ASB2: variants seen among roughly 807,000 people sequenced by gnomAD.
ASB2 encodes the protein ankyrin repeat and SOCS box protein 2.
A neutral mutation model predicts 62.4 loss-of-function variants in ASB2; 58 were observed. That is an observed-to-expected ratio of 0.93 (90% CI 0.75 to 1.16). The LOEUF is 1.16. Ranked by LOEUF, ASB2 falls within the 50% of genes most tolerant of loss-of-function variation. ASB2 has a pLI of 0.00. For missense variants in ASB2, 928 were observed against 887.9 expected (o/e 1.05, Z -0.57); for synonymous variants, 386 against 385.3 (o/e 1.00, Z -0.02).
intron 1 of ASB2, among the ~76,000 whole-genome samples, chr14:93,965,746 C>A (rs1451277944): frequency 6.6e-6 from 1 of 152,238 alleles, no homozygotes; most frequent in Non-Finnish European, 1.5e-5. Context: ...AGATCTTTCC[C>A]CACCCTTCCC....
At chr14:93,962,463 C>T (rs1889448684) in intron 2 of ASB2, among the ~76,000 whole-genome samples, 1 of 152,160 alleles carries the variant, frequency 6.6e-6, no homozygotes, top group East Asian at 1.9e-4. Flanking sequence ...CAGGTCACTC[C>T]TAGAGTAACA....
intron 8 of ASB2, among the ~76,000 whole-genome samples, 169 bp from the exon 9 acceptor site, chr14:93,938,020 G>A (rs1387396678): frequency 6.6e-6 from 1 of 152,100 alleles, no homozygotes; most frequent in Non-Finnish European, 1.5e-5. Context: ...AGTGGAAGAC[G>A]GGCAACTTGA....
intron 8 of ASB2, among the ~76,000 whole-genome samples, 153 bp downstream of exon 8, chr14:93,938,955 G>A (rs1888383828): frequency 6.6e-6 from 1 of 152,214 alleles, no homozygotes; most frequent in Non-Finnish European, 1.5e-5. Flanking sequence ...TGCCTCCAAA[G>A]CTGGCCCCAC....
intron 1 of ASB2, among the ~76,000 whole-genome samples, chr14:93,974,715 C>T (rs1284815187): frequency 1.3e-5 from 2 of 152,238 alleles, no homozygotes; most frequent in African/African-American, 4.8e-5. Flanking sequence ...TTAAGCAAGA[C>T]TTTTAAGCTC....
Position 93,934,653 on chromosome 14 carries a change from C to A in ASB2, c.*3G>T, listed in dbSNP as rs367666104. The A allele has an allele frequency of 5.6e-6, 9 of 1,613,942 alleles. No homozygotes were observed. The African/African-American group carries it at 1.2e-4, about 22-fold the overall frequency. ...GGCTACTCCTCTCTCCCCGTGGCCC[C>A]AGTTACTGGGTGTTCTCGTATTTCA... On this transcript the variant is annotated 3_prime_UTR_variant, in exon 10 of 10. Coordinates refer to ENST00000555019, the MANE Select transcript of ASB2 (RefSeq NM_001202429.2).
intron 3 of ASB2, among the ~76,000 whole-genome samples, chr14:93,955,855 T>C (rs894398353): frequency 6.6e-6 from 1 of 152,084 alleles, no homozygotes; most frequent in Admixed American, 6.5e-5. Context: ...TCCAGCCGTG[T>C]CCTGCAGAGA....
intron 1 of ASB2, among the ~76,000 whole-genome samples, chr14:93,976,004 G>T (rs1294843280): frequency 6.6e-6 from 1 of 152,188 alleles, no homozygotes; most frequent in Non-Finnish European, 1.5e-5. Flanking sequence ...TGCATGCCTA[G>T]GCACTCTGCA....
intron 1 of ASB2, among the ~76,000 whole-genome samples, chr14:93,969,375 GGTT>G (rs1370981638): frequency 6.6e-6 from 1 of 152,222 alleles, no homozygotes; most frequent in Non-Finnish European, 1.5e-5. Context: ...CAGCTTTGCT[GGTT>G]GTTAGCCGGG....
In ASB2 at chr14:93,956,680, G is replaced by A. The variant is rs1595322682; in HGVS notation, c.311+86C>T. Reference sequence around the variant, plus strand: ...CATAGTGCCCTCTGCCCTCCTGGGGGCTGTGGGCCTGCTTCCCACCCTCCC... The same window carrying A: ...CATAGTGCCCTCTGCCCTCCTGGGGACTGTGGGCCTGCTTCCCACCCTCCC... On this transcript the variant is annotated intron_variant, in intron 3 of 9. Coordinates refer to ENST00000555019, the MANE Select transcript of ASB2 (RefSeq NM_001202429.2). 4 of 1,553,814 alleles carry A rather than the reference G, an allele frequency of 2.6e-6. No homozygotes were observed. In the East Asian group the frequency reaches 6.7e-5, roughly 26 times the overall value.
chr14:93,953,859 G>A (rs1889070327), intron 4 of ASB2, among the ~76,000 whole-genome samples: 1 of 152,122 alleles, frequency 6.6e-6, no homozygotes. Flanking sequence ...GCTGCTTCAG[G>A]GCAGAGGTGA....
chr14:93,936,493 A>C (rs990218705), intron 9 of ASB2, among the ~76,000 whole-genome samples: 1 of 152,204 alleles, frequency 6.6e-6, no homozygotes. Flanking sequence ...CTAATTATTC[A>C]TTAGTTCCCT....
Position 93,939,442 on chromosome 14 carries a change from T to C in ASB2, c.1283A>G (p.Glu428Gly), listed in dbSNP as rs961689810. ...AVVNNNVYAT[E>G]LLLQHGADPN... The stretch of plus-strand genomic sequence containing the variant: ...GTCGGCGCCGTGTTGCAGCAGCAGC[T>C]CGGTGGCGTACACGTTGTTGTTGAC... The change falls in exon 8 of 10, where the codon GAG becomes GGG. Residue 428 changes from glutamate (E) to glycine (G), a missense_variant. Coordinates refer to ENST00000555019, the MANE Select transcript of ASB2 (RefSeq NM_001202429.2). 6.2e-7 allele frequency: 1 copy of C among 1,612,476 alleles called. No individual in the cohort carries two copies. The highest frequency in any genetic ancestry group is 1.3e-5 in the African/African-American group (1 of 74,880).
chr14:93,937,869 G>C lies in ASB2; in HGVS notation c.1618-18C>G. ...TCACAGAACTGAAAGAGAACATGCC[G>C]GGACCAAGAAGTGAGTTCATCCCAC... is the stretch of plus-strand genomic sequence containing the variant. On this transcript the variant is annotated intron_variant, in intron 8 of 9. Transcript: ENST00000555019. 1 of 1,582,900 alleles carries C rather than the reference G, an allele frequency of 6.3e-7. No homozygotes were observed. Among genetic ancestry groups the C allele is most frequent in the Non-Finnish European group, 8.7e-7 (1 of 1,156,028 alleles).
chr14:93,971,233 G>A (rs192203170), intron 1 of ASB2, among the ~76,000 whole-genome samples: 12 of 152,338 alleles, frequency 7.9e-5, no homozygotes, highest in African/African-American at 1.2e-4. Flanking sequence ...AGAGCCTGCC[G>A]GGTGGTCCCA....
chr14:93,963,402 G>T (rs1056481787), intron 2 of ASB2, among the ~76,000 whole-genome samples: 5 of 150,764 alleles, frequency 3.3e-5, no homozygotes, highest in African/African-American at 1.2e-4. Flanking sequence ...GGGGACGGGG[G>T]TGAGGAGCAA....
At chr14:93,954,541 C>T in intron 3 of ASB2, 58 bp from the exon 4 acceptor site, 1 of 1,545,540 alleles carries the variant, frequency 6.5e-7, no homozygotes, top group Middle Eastern at 1.8e-4. Context: ...GGCCAGGGGG[C>T]CTCTCTCTCA....
intron 5 of ASB2, among the ~76,000 whole-genome samples, chr14:93,951,503 G>A (rs930414748): frequency 6.6e-6 from 1 of 152,150 alleles, no homozygotes; most frequent in Non-Finnish European, 1.5e-5. Context: ...ACATTTTACA[G>A]GATTAACTAA....
At position 93,957,358 on chromosome 14, in the gene ASB2, C is replaced by T. The variant is rs568779744; in HGVS notation, c.207-488G>A. On this transcript the variant is annotated intron_variant, in intron 2 of 9. Transcript: ENST00000555019. Reference sequence around the variant, plus strand: ...AGCCAAGCTGTACCTGTGCCCCCCACGCCCACCTGCCAGCTCATTAGGGGA... The same window carrying T: ...AGCCAAGCTGTACCTGTGCCCCCCATGCCCACCTGCCAGCTCATTAGGGGA... 2.1e-5 allele frequency: 21 copies of T among 1,022,906 alleles called. No homozygotes were observed. In the East Asian group the frequency reaches 2.9e-4, roughly 14 times the overall value. 63.4% of individuals were successfully genotyped at this position (1,022,906 alleles called of 1,614,324 possible).
intron 1 of ASB2, among the ~76,000 whole-genome samples, chr14:93,966,302 G>C (rs566320346): frequency 6.6e-6 from 1 of 152,360 alleles, no homozygotes; most frequent in East Asian, 1.9e-4. Flanking sequence ...TTCAAGCCAG[G>C]TGGGACAATC....
Sources: allele counts gnomAD v4.1 joint callset (sites outside exome capture counted in the v4.1 genomes callset), GRCh38; gene constraint gnomAD v4.1.1; transcripts MANE v1.5; gene names NCBI Gene and HGNC (gene_info 2026-07-23, HGNC 2026-07-21).